Variants in CHCHD5 observed in about 807,000 individuals in gnomAD.
The protein encoded by CHCHD5 is coiled-coil-helix-coiled-coil-helix domain-containing protein 5.
A neutral mutation model predicts 16.0 loss-of-function variants in CHCHD5; 10 were observed. The observed-to-expected ratio is 0.63, with a 90% confidence interval of 0.39 to 1.06. The LOEUF is 1.06. Ranked by LOEUF, CHCHD5 falls within the 50% of genes least tolerant of loss-of-function variation. The pLI, the probability that CHCHD5 is intolerant of heterozygous loss-of-function variation, is 0.01. For synonymous variants in CHCHD5, 55 were observed against 56.3 expected (o/e 0.98, Z 0.10); for missense variants, 163 against 153.4 (o/e 1.06, Z -0.33).
intron 1 of CHCHD5, among the ~76,000 whole-genome samples, chr2:112,585,686 C>T (rs1161521537): frequency 1.3e-5 from 2 of 152,120 alleles, no homozygotes; most frequent in Non-Finnish European, 2.9e-5. Flanking sequence ...ATCGCTTGAG[C>T]CCAGGGGTTC....
intron 1 of CHCHD5, among the ~76,000 whole-genome samples, chr2:112,585,587 C>A (rs1370995090): frequency 6.6e-6 from 1 of 152,210 alleles, no homozygotes; most frequent in Non-Finnish European, 1.5e-5. Flanking sequence ...CCTAGTCCTA[C>A]TTCAGACCCA....
chr2:112,584,535 G>C (rs1685141004), upstream of CHCHD5: 3 of 1,375,836 alleles, frequency 2.2e-6, no homozygotes, highest in African/African-American at 2.9e-5. Context: ...GGGGTTGTTA[G>C]TTCAATTGGC....
At chr2:112,585,903 T>TAA (rs3838313) in intron 1 of CHCHD5, 71 bp from the exon 2 acceptor site, 148 of 1,282,280 alleles carry the variant, frequency 1.2e-4, no homozygotes, top group Admixed American at 1.4e-4. Context: ...CTCTAAAAAA[T>TAA]AAAAAAAAAA....
At position 112,584,663 on chromosome 2, in the gene CHCHD5, G is replaced by T. The variant is rs1685149169; in HGVS notation, c.2+14G>T. The T allele has an allele frequency of 6.2e-7, 1 of 1,614,022 alleles. No homozygotes were observed. Among genetic ancestry groups the T allele is most frequent in the Non-Finnish European group, 8.5e-7 (1 of 1,179,906 alleles). On this transcript the variant is annotated intron_variant, in intron 1 of 3. Transcript: ENST00000324913. Reference sequence around the variant, plus strand: ...AGGTCTCGAGATGTGAGTAGTGAGAGCGCCTACCCCATACGTGCTGCCGCT... The same window carrying T: ...AGGTCTCGAGATGTGAGTAGTGAGATCGCCTACCCCATACGTGCTGCCGCT...
chr2:112,586,373 G>T lies in CHCHD5; in HGVS notation c.309+8G>T. The stretch of plus-strand genomic sequence containing the variant: ...TCACCTGCAACTGTGGAGGTAAGAG[G>T]GGCTCACCTCAGTTCATCTCTTTTC... On this transcript the variant is annotated splice_region_variant and intron_variant, in intron 3 of 3. Coordinates refer to ENST00000324913, the MANE Select transcript of CHCHD5 (RefSeq NM_032309.4). 6.2e-7 allele frequency: 1 copy of T among 1,614,162 alleles called. No homozygotes were observed. The highest frequency in any genetic ancestry group is 8.5e-7 in the Non-Finnish European group (1 of 1,180,018).
chr2:112,586,147 G>T (rs1423750341), intron 2 of CHCHD5, 33 bp downstream of exon 2: 1 of 1,611,134 alleles, frequency 6.2e-7, no homozygotes, highest in South Asian at 1.1e-5. Context: ...CAGTGTGGGG[G>T]GTGGGCAGTG....
At chr2:112,585,242 C>T (rs1222368329) in intron 1 of CHCHD5, among the ~76,000 whole-genome samples, 2 of 152,194 alleles carry the variant, frequency 1.3e-5, no homozygotes, top group Non-Finnish European at 2.9e-5. Flanking sequence ...TTCCCCAGGA[C>T]CTGAGACCCC....
At position 112,584,883 on chromosome 2, in the gene CHCHD5, T is replaced by C. The variant is rs145802239; in HGVS notation, c.2+234T>C. 7.7e-4 allele frequency: 454 copies of C among 586,858 alleles called. 1 individual carries two copies. The highest frequency in any genetic ancestry group is 6.5e-3 in the African/African-American group (350 of 53,898). The allele number at this position is 586,858 out of a possible 1,614,324, so 36.4% of individuals were successfully genotyped here. ...CGCGCTGCTTAGGACTTCGGTCCAG[T>C]CACTCTTCACCCAATCTCTGCCCCC... On this transcript the variant is annotated intron_variant, in intron 1 of 3. Transcript: ENST00000324913.
Position 112,586,354 on chromosome 2 carries a change from G to C in CHCHD5, c.298G>C (p.Ala100Pro), listed in dbSNP as rs761107530. 13 of 1,614,226 alleles carry C rather than the reference G, an allele frequency of 8.1e-6. No homozygotes were observed. The highest frequency in any genetic ancestry group is 4.4e-5 in the South Asian group (4 of 91,086). Residue 100 changes from alanine (A) to proline (P), a missense_variant, in exon 3 of 4, where the codon GCA becomes CCA. By Grantham distance (27) the Ala-to-Pro change is conservative (BLOSUM62 -1). Transcript: ENST00000324913. Reference protein sequence around the residue: ...AEQVQPPRSPATVEAQPLPAS With the variant: ...AEQVQPPRSPPTVEAQPLPAS The stretch of plus-strand genomic sequence containing the variant: ...GCAGGTGCAGCCGCCACGCTCACCT[G>C]CAACTGTGGAGGTAAGAGGGGCTCA...
At position 112,584,612 on chromosome 2, in the gene CHCHD5, C is replaced by T. The variant is rs773472145; in HGVS notation, c.-36C>T. The T allele has an allele frequency of 1.2e-6, 2 of 1,611,266 alleles. No individual in the cohort carries two copies. Among genetic ancestry groups the T allele is most frequent in the Non-Finnish European group, 8.5e-7 (1 of 1,179,466 alleles). Reference sequence around the variant, plus strand: ...CCGATACCGGAAAAGGCGGGTCGTTCCCCCCGGACAGCCCTACGCCGGCAA... The same window carrying T: ...CCGATACCGGAAAAGGCGGGTCGTTTCCCCCGGACAGCCCTACGCCGGCAA... On this transcript the variant is annotated 5_prime_UTR_variant, in exon 1 of 4. Coordinates refer to ENST00000324913, the MANE Select transcript of CHCHD5 (RefSeq NM_032309.4).
intron 3 of CHCHD5, chr2:112,588,571 T>G: frequency 2.4e-6 from 1 of 419,888 alleles, no homozygotes; most frequent in Non-Finnish European, 4.3e-6. Flanking sequence ...CTTCATCGAA[T>G]TTCTTGGATG....
At chr2:112,584,753 CCTT>C (rs1685153893) in intron 1 of CHCHD5, 104 bp downstream of exon 1, 1 of 1,384,706 alleles carries the variant, frequency 7.2e-7, no homozygotes, top group South Asian at 1.2e-5. Context: ...CAGCCTCCCT[CCTT>C]CTTGGAGATC....
rs1685198876 is a variant in CHCHD5, at chr2:112,585,968, C to T, written c.3-6C>T. On this transcript the variant is annotated splice_region_variant and splice_polypyrimidine_tract_variant and intron_variant, in intron 1 of 3. Transcript: ENST00000324913. ...GGAATGATCCTCAGCCCATCCTGTC[C>T]CACAGGCAGGCGGCCCTAGAGGTCA... The T allele has an allele frequency of 6.2e-7, 1 of 1,612,942 alleles. No individual in the cohort carries two copies. Among genetic ancestry groups the T allele is most frequent in the East Asian group, 2.2e-5 (1 of 44,836 alleles).
rs750792036 is a variant in CHCHD5 at position 112,586,194 on chromosome 2, C to A, written c.144-6C>A. On this transcript the variant is annotated splice_polypyrimidine_tract_variant and splice_region_variant and intron_variant, in intron 2 of 3. Coordinates refer to ENST00000324913, the MANE Select transcript of CHCHD5 (RefSeq NM_032309.4). ...TCCCAGGGGCTGAACTGCCCTACCC[C>A]CACAGCCCAATCATCCGCCAGATCC... 25 of 1,609,416 alleles carry A rather than the reference C, an allele frequency of 1.6e-5. No homozygotes were observed. The East Asian group carries it at 5.6e-4, about 36-fold the overall frequency.
upstream of CHCHD5, chr2:112,584,601 G>A: frequency 6.2e-7 from 1 of 1,611,846 alleles, no homozygotes; most frequent in Non-Finnish European, 8.5e-7. Context: ...TACCGGAAAA[G>A]GCGGGTCGTT....
chr2:112,586,510 A>G (rs1207957564), intron 3 of CHCHD5, 145 bp downstream of exon 3: 1 of 1,552,448 alleles, frequency 6.4e-7, no homozygotes, highest in Non-Finnish European at 8.7e-7. Flanking sequence ...AATCCAGAAC[A>G]TCATCACTTC....
chr2:112,588,813 C>T, intron 3 of CHCHD5, 53 bp from the exon 4 acceptor site: 3 of 1,485,366 alleles, frequency 2.0e-6, no homozygotes, highest in Non-Finnish European at 2.8e-6. Flanking sequence ...CATAGGCTCC[C>T]CAGGCTGGGC....
chr2:112,584,587 C>T (rs889592179), upstream of CHCHD5: 1 of 1,610,750 alleles, frequency 6.2e-7, no homozygotes, highest in Non-Finnish European at 8.5e-7. Context: ...GCCATGACAA[C>T]CGATACCGGA....
upstream of CHCHD5, chr2:112,584,451 A>C (rs1382591379): frequency 2.0e-5 from 13 of 641,340 alleles, 1 homozygote; most frequent in Non-Finnish European, 3.6e-5. Flanking sequence ...GTGGCTACTC[A>C]GGGCGCCGCC....
Sources: allele counts gnomAD v4.1 joint callset (sites outside exome capture counted in the v4.1 genomes callset), GRCh38; gene constraint gnomAD v4.1.1; transcripts MANE v1.5; gene names NCBI Gene and HGNC (gene_info 2026-07-23, HGNC 2026-07-21).